Variants in P4HA3 observed in about 807,000 individuals in gnomAD.
P4HA3 encodes prolyl 4-hydroxylase subunit alpha 3, also known as prolyl 4-hydroxylase subunit alpha-3.
A neutral mutation model predicts 66.7 loss-of-function variants in P4HA3; 60 were observed. That is an observed-to-expected ratio of 0.90 (90% CI 0.73 to 1.12). The LOEUF is 1.12. Ranked by LOEUF, P4HA3 falls within the 50% of genes most tolerant of loss-of-function variation. The pLI is 0.00. For missense variants in P4HA3, 683 were observed against 685.8 expected (o/e 1.00, Z 0.05); for synonymous variants, 263 against 274.6 (o/e 0.96, Z 0.42).
chr11:74,308,827 G>A (rs1265188053), intron 1 of P4HA3, among the ~76,000 whole-genome samples: 1 of 152,138 alleles, frequency 6.6e-6, no homozygotes, highest in Non-Finnish European at 1.5e-5. Context: ...TACATGCCAG[G>A]TACAATGATA....
intron 4 of P4HA3, among the ~76,000 whole-genome samples, chr11:74,293,259 G>A (rs1195969582): frequency 1.3e-5 from 2 of 151,960 alleles, no homozygotes; most frequent in African/African-American, 2.4e-5. Context: ...TCCGAGACTA[G>A]GATTGCAACC....
intron 8 of P4HA3, among the ~76,000 whole-genome samples, chr11:74,278,682 C>A (rs1860483178): frequency 6.6e-6 from 1 of 152,176 alleles, no homozygotes; most frequent in African/African-American, 2.4e-5. Context: ...TCATAGGGAC[C>A]TTCCATAGGT....
Position 74,311,491 on chromosome 11 carries a change from G to C in P4HA3, c.121C>G (p.Leu41Val). The C allele has an allele frequency of 2.0e-6, 3 of 1,534,364 alleles. No individual in the cohort carries two copies. The highest frequency in any genetic ancestry group is 2.0e-4 in the Middle Eastern group (1 of 4,934). Residue 41 changes from leucine to valine, a missense_variant, in exon 1 of 13, where the codon CTG (leucine) becomes GTG (valine). By Grantham distance (32) the Leu-to-Val change is conservative. Transcript: ENST00000331597. ...CCCAGCAGCCGGCGCTCGGGCGCCA[G>C]GGCGCGCGCCACGCTGGTCAGCGCC... ...FSALTSVARA[L>V]APERRLLGLL... is the part of the protein sequence containing the mutation.
At chr11:74,295,199 T>C (rs1328769474) in intron 4 of P4HA3, among the ~76,000 whole-genome samples, 1 of 152,198 alleles carries the variant, frequency 6.6e-6, no homozygotes, top group Admixed American at 6.5e-5. Flanking sequence ...AGTAAAAATA[T>C]AATTTGTTCT....
chr11:74,269,813 G>A (rs772491375), intron 10 of P4HA3, 93 bp from the exon 11 acceptor site: 172 of 1,245,024 alleles, frequency 1.4e-4, no homozygotes, highest in Middle Eastern at 1.9e-4. Context: ...TCCTTCTCAT[G>A]GTCTTTTCTT....
intron 15 of P4HA3, chr11:74,251,701 C>T (rs746262607): frequency 1.2e-6 from 2 of 1,613,944 alleles, no homozygotes; most frequent in Non-Finnish European, 1.7e-6. Flanking sequence ...CAGAACCCAT[C>T]GGTGGATTCC....
chr11:74,307,557 C>T (rs1381544120), intron 1 of P4HA3, among the ~76,000 whole-genome samples: 1 of 152,204 alleles, frequency 6.6e-6, no homozygotes, highest in Non-Finnish European at 1.5e-5. Flanking sequence ...CAACTGATAA[C>T]TGAGGTTGGC....
chr11:74,253,695 C>A, intron 15 of P4HA3: 2 of 677,884 alleles, frequency 3.0e-6, no homozygotes, highest in Non-Finnish European at 2.6e-6. Flanking sequence ...TTTTCCAGGG[C>A]CCTTGACCAA....
rs751357158 is a variant in P4HA3, at chr11:74,268,254, G to C, written c.1468-13C>G. The C allele has an allele frequency of 6.2e-7, 1 of 1,610,202 alleles. No homozygotes were observed. The highest frequency in any genetic ancestry group is 2.2e-5 in the East Asian group (1 of 44,854). Reference sequence around the variant, plus strand: ...ACAGTGCTGCATTCTGAAACAAGAGGGCCCAGCCCCAGGGAGGGTCAGCCC... The same window carrying C: ...ACAGTGCTGCATTCTGAAACAAGAGCGCCCAGCCCCAGGGAGGGTCAGCCC... On this transcript the variant is annotated splice_polypyrimidine_tract_variant and intron_variant, in intron 11 of 12. Transcript: ENST00000331597.
chr11:74,256,489 T>C (rs776052305), intron 15 of P4HA3, among the ~76,000 whole-genome samples: 2 of 152,166 alleles, frequency 1.3e-5, no homozygotes, highest in Non-Finnish European at 2.9e-5. Flanking sequence ...AGCATCTTTG[T>C]CTTCTGATTC....
intron 1 of P4HA3, 63 bp from the exon 2 acceptor site, chr11:74,304,475 G>GC: frequency 6.4e-7 from 1 of 1,572,788 alleles, no homozygotes; most frequent in Non-Finnish European, 8.7e-7. Flanking sequence ...GGGAAGGCTG[G>GC]CATGGTGTGT....
chr11:74,276,885 A>C (rs528764106), intron 9 of P4HA3, 100 bp downstream of exon 9: 710 of 1,224,436 alleles, frequency 5.8e-4, no homozygotes, highest in Non-Finnish European at 7.2e-4. Context: ...CTAAGATTTC[A>C]CTTAGTATTC....
intron 2 of P4HA3, among the ~76,000 whole-genome samples, chr11:74,302,880 CTTCTT>C (rs1475759187): frequency 1.3e-5 from 2 of 152,110 alleles, no homozygotes; most frequent in East Asian, 1.9e-4. Flanking sequence ...GGAGACAACT[CTTCTT>C]TTTCTTTTTC....
At chr11:74,290,925 C>A (rs190213017) in intron 4 of P4HA3, among the ~76,000 whole-genome samples, 17 of 152,116 alleles carry the variant, frequency 1.1e-4, no homozygotes, top group African/African-American at 3.9e-4. Context: ...CTTGGCGATG[C>A]GGGCTCTTTT....
At chr11:74,287,325 C>A (rs1591113708) in intron 5 of P4HA3, 3 of 1,288,206 alleles carry the variant, frequency 2.3e-6, no homozygotes, top group South Asian at 2.5e-5. Flanking sequence ...GCAGAAATTA[C>A]CATTCTGTTT....
At chr11:74,258,473 T>C (rs1256556468) in intron 15 of P4HA3, among the ~76,000 whole-genome samples, 1 of 152,104 alleles carries the variant, frequency 6.6e-6, no homozygotes, top group Non-Finnish European at 1.5e-5. Context: ...TTTACAACCT[T>C]TGAGACCTCC....
chr11:74,259,096 C>G (rs1464280786), intron 15 of P4HA3, among the ~76,000 whole-genome samples: 2 of 152,126 alleles, frequency 1.3e-5, no homozygotes, highest in African/African-American at 4.8e-5. Context: ...CTCCCTGGGA[C>G]GTCCTTCTCA....
At chr11:74,251,105 G>C (rs1248463151) in intron 15 of P4HA3, 1 of 1,534,400 alleles carries the variant, frequency 6.5e-7, no homozygotes, top group Non-Finnish European at 8.8e-7. Context: ...GTCTCAGCCT[G>C]CATTGCCTGC....
At chr11:74,288,248 G>A (rs1209627469) in intron 5 of P4HA3, among the ~76,000 whole-genome samples, 1 of 152,218 alleles carries the variant, frequency 6.6e-6, no homozygotes, top group African/African-American at 2.4e-5. Context: ...CCCTGAAGGG[G>A]GGTGATGCTG....
Sources: allele counts gnomAD v4.1 joint callset (sites outside exome capture counted in the v4.1 genomes callset), GRCh38; gene constraint gnomAD v4.1.1; transcripts MANE v1.5; gene names NCBI Gene and HGNC (gene_info 2026-07-23, HGNC 2026-07-21).